RTTN: variants seen among roughly 807,000 people sequenced by gnomAD.
RTTN encodes the protein rotatin.
Under a neutral mutation model 269.2 loss-of-function variants are expected in RTTN, and 182 were observed. The ratio of observed to expected loss-of-function variants is 0.68; its 90% CI spans 0.60 to 0.76. The LOEUF is 0.76. Ranked by LOEUF, RTTN falls within the 30% of genes least tolerant of loss-of-function variation. The probability of loss-of-function intolerance (pLI) is 0.00; values close to 1 mark genes in which losing one functional copy is unlikely to be tolerated. For synonymous variants in RTTN, 1,006 were observed against 963.5 expected, an observed-to-expected ratio of 1.04 and a Z score of -0.82; for missense variants, 2,545 against 2,608.6, an observed-to-expected ratio of 0.98 and a Z score of 0.53.
intron 33 of RTTN, among the ~76,000 whole-genome samples, chr18:70,074,556 GTTTA>G (rs1408149990): frequency 2.0e-5 from 3 of 152,050 alleles, no homozygotes; most frequent in Admixed American, 6.6e-5. Context: ...ATACATATCC[GTTTA>G]TTTATACACA....
At position 70,205,651 on chromosome 18, in the gene RTTN, A is replaced by G; in HGVS notation, c.8T>C (p.Leu3Pro). The change falls in exon 1 of 49, where the codon CTG becomes CCG. Residue 3 changes from leucine to proline, a missense_variant. Physicochemically the swap from Leu to Pro is moderately conservative, Grantham distance 98. Transcript: ENST00000640769. MV[L>P]AGLIRKLGHQ... ...ACCGAGTTTCCTGATGAGCCCTGCC[A>G]GGACCATCTCGTCCCGTCAATCTGC... is the stretch of plus-strand genomic sequence containing the variant. 6.2e-7 allele frequency: 1 copy of G among 1,614,156 alleles called. No individual in the cohort carries two copies. The highest frequency in any genetic ancestry group is 8.5e-7 in the Non-Finnish European group (1 of 1,180,032).
At chr18:70,164,802 G>C (rs1056500183) in intron 14 of RTTN, among the ~76,000 whole-genome samples, 1 of 152,168 alleles carries the variant, frequency 6.6e-6, no homozygotes, top group African/African-American at 2.4e-5. Context: ...AAGGCAGATG[G>C]AGTGTTCAAA....
chr18:70,178,496 CAAT>C (rs1435845453), intron 10 of RTTN, among the ~76,000 whole-genome samples: 3 of 152,004 alleles, frequency 2.0e-5, no homozygotes, highest in South Asian at 2.1e-4. Flanking sequence ...GGTTGTACAA[CAAT>C]GTCACTGCAG....
chr18:70,174,361 T>G (rs962542333), intron 11 of RTTN, among the ~76,000 whole-genome samples: 2 of 152,124 alleles, frequency 1.3e-5, no homozygotes, highest in African/African-American at 4.8e-5. Context: ...AATTATCTTT[T>G]CCGTGTACTA....
In RTTN at chr18:70,137,173, G is replaced by A. The variant is rs1159978743; in HGVS notation, c.2789-1893C>T. ...TGAATTTTTACAATGGGGATGTATA[G>A]GTCTGTGATTATTTAAAACAGAAAC... On this transcript the variant is annotated intron_variant, in intron 21 of 48. Coordinates refer to ENST00000640769, the MANE Select transcript of RTTN (RefSeq NM_173630.4). 2.0e-5 allele frequency among the ~76,000 whole-genome samples: 3 copies of A among 152,180 alleles called. No individual in the cohort carries two copies. The East Asian group carries it at 5.8e-4, about 29-fold the overall frequency.
intron 27 of RTTN, among the ~76,000 whole-genome samples, chr18:70,113,282 C>G (rs2059521206): frequency 6.6e-6 from 1 of 152,032 alleles, no homozygotes; most frequent in Admixed American, 6.6e-5. Context: ...ACACAAATAG[C>G]CATAAGAACA....
intron 29 of RTTN, 61 bp downstream of exon 29, chr18:70,092,615 G>T: frequency 6.4e-7 from 1 of 1,565,408 alleles, no homozygotes; most frequent in South Asian, 1.2e-5. Flanking sequence ...GAAATGTGTT[G>T]GACACAGCAC....
chr18:70,037,013 A>C (rs937769168), intron 40 of RTTN, among the ~76,000 whole-genome samples: 2 of 152,186 alleles, frequency 1.3e-5, no homozygotes, highest in African/African-American at 4.8e-5. Context: ...CTTCACACTG[A>C]ATTCAGTGCT....
intron 18 of RTTN, among the ~76,000 whole-genome samples, chr18:70,143,713 T>A (rs1361971494): frequency 6.6e-6 from 1 of 152,050 alleles, no homozygotes; most frequent in Non-Finnish European, 1.5e-5. Flanking sequence ...TTTACCTATA[T>A]AACAAACCCG....
In RTTN at chr18:70,005,283, A is replaced by T; in HGVS notation, c.6526-16T>A. The T allele has an allele frequency of 6.2e-7, 1 of 1,602,392 alleles. No individual in the cohort carries two copies. Among genetic ancestry groups the T allele is most frequent in the Non-Finnish European group, 8.5e-7 (1 of 1,170,946 alleles). On this transcript the variant is annotated splice_polypyrimidine_tract_variant and intron_variant, in intron 47 of 48. Coordinates refer to ENST00000640769, the MANE Select transcript of RTTN (RefSeq NM_173630.4). Reference sequence around the variant, plus strand: ...CTGTTTTTGCCTAGAACAATCCATTAATTAGGTTTCTTGCCATGTGTTATG... The same window carrying T: ...CTGTTTTTGCCTAGAACAATCCATTTATTAGGTTTCTTGCCATGTGTTATG...
At chr18:70,101,861 T>G (rs565606018) in intron 28 of RTTN, among the ~76,000 whole-genome samples, 1 of 152,252 alleles carries the variant, frequency 6.6e-6, no homozygotes, top group Admixed American at 6.5e-5. Context: ...GAGCAGGTTG[T>G]TCAGTTTCCA....
intron 14 of RTTN, among the ~76,000 whole-genome samples, chr18:70,164,054 G>A (rs564823869): frequency 7.9e-5 from 12 of 152,242 alleles, no homozygotes; most frequent in African/African-American, 2.9e-4. Flanking sequence ...GTGGCTGTCA[G>A]GGGCTGGGAG....
chr18:70,004,857 G>A (rs1213272753), intron 48 of RTTN, among the ~76,000 whole-genome samples: 2 of 51,946 alleles, frequency 3.9e-5, no homozygotes, highest in East Asian at 5.2e-3. Context: ...CTGTCCTCCA[G>A]CTCCCTGATG....
intron 14 of RTTN, among the ~76,000 whole-genome samples, chr18:70,156,837 A>G (rs1311949744): frequency 6.6e-6 from 1 of 152,144 alleles, no homozygotes; most frequent in Admixed American, 6.5e-5. Context: ...AGGTGGCTTT[A>G]GCCTTAGTTC....
intron 18 of RTTN, among the ~76,000 whole-genome samples, chr18:70,144,371 A>G (rs1304086185): frequency 6.6e-6 from 1 of 152,118 alleles, no homozygotes; most frequent in East Asian, 1.9e-4. Context: ...TTTCTTTTAG[A>G]AGACCCCAGA....
rs562315105 is a variant in RTTN, at chr18:70,042,408, C to T, written c.5541+5563G>A. On this transcript the variant is annotated intron_variant, in intron 40 of 48. Transcript: ENST00000640769. ...TTTTTTTTTTTGAGACGGAGTCTCG[C>T]TCTGTCGCCCAGGATAGAGTGCAGT... is the stretch of plus-strand genomic sequence containing the variant. Among the ~76,000 whole-genome samples, 40 of 130,070 alleles carry T rather than the reference C, an allele frequency of 3.1e-4. No homozygotes were observed. The East Asian group carries it at 8.4e-3, about 27-fold the overall frequency. The allele number at this position is 130,070 out of a possible 152,430, so 85.3% of individuals were successfully genotyped here.
rs9955161 is a variant in RTTN, at chr18:70,161,188, T to C, written c.1929+4874A>G. On this transcript the variant is annotated intron_variant, in intron 14 of 48. Transcript: ENST00000640769. ...GAACAGGTTAGAGAACACAAAAATA[T>C]AGCCAGACACCTACAACCATCTGAT... 9.2e-3 allele frequency among the ~76,000 whole-genome samples: 1,392 copies of C among 152,054 alleles called. 21 individuals carry two copies. The highest frequency in any genetic ancestry group is 0.03 in the African/African-American group (1,254 of 41,482).
intron 14 of RTTN, among the ~76,000 whole-genome samples, chr18:70,152,263 G>A (rs1228649412): frequency 6.6e-6 from 1 of 152,062 alleles, no homozygotes; most frequent in African/African-American, 2.4e-5. Context: ...CACTCCAAAG[G>A]TAGTGTGGTG....
intron 45 of RTTN, 104 bp downstream of exon 45, chr18:70,020,511 C>A: frequency 1.8e-6 from 2 of 1,125,568 alleles, no homozygotes; most frequent in South Asian, 1.6e-5. Context: ...AAATAAAATG[C>A]CTCAAAATCA....
Sources: gnomAD v4.1 joint callset for allele counts (sites outside exome capture counted in the v4.1 genomes callset) on GRCh38, gnomAD v4.1.1 for gene constraint, MANE v1.5 for transcripts, NCBI Gene and HGNC (gene_info 2026-07-23, HGNC 2026-07-21) for gene names.